Variants in KCNK13 observed in about 807,000 individuals in gnomAD.
The protein encoded by KCNK13 is potassium channel subfamily K member 13.
In KCNK13, 12 loss-of-function variants were observed where a neutral mutation model predicts 23.4. The ratio of observed to expected loss-of-function variants is 0.51; its 90% CI spans 0.33 to 0.83. The LOEUF (loss-of-function observed/expected upper bound fraction) is 0.83. KCNK13 is among the 40% of genes least tolerant of loss of function. The probability of loss-of-function intolerance (pLI) is 0.02; values close to 1 mark genes in which losing one functional copy is unlikely to be tolerated. For synonymous variants in KCNK13, 231 were observed against 229.5 expected (o/e 1.01, Z -0.06); for missense variants, 463 against 556.3 (o/e 0.83, Z 1.69).
chr14:90,141,770 G>GTAGCTCACCCCTCCCTTCCCTGTCCCCA (rs1890008334), intron 1 of KCNK13, among the ~76,000 whole-genome samples: 2 of 127,098 alleles, frequency 1.6e-5, no homozygotes, highest in East Asian at 2.6e-4. Context: ...ATGCCCTCTT[G>GTAGCTCACCCCTCCCTTCCCTGTCCCCA]GGTTTTTGTT....
At chr14:90,120,462 C>T (rs1889725607) in intron 1 of KCNK13, among the ~76,000 whole-genome samples, 1 of 152,120 alleles carries the variant, frequency 6.6e-6, no homozygotes, top group Admixed American at 6.5e-5. Context: ...GCTGGGGAGG[C>T]CTCAGGAAAC....
chr14:90,154,491 T>C (rs1890172315), intron 1 of KCNK13, among the ~76,000 whole-genome samples: 1 of 151,980 alleles, frequency 6.6e-6, no homozygotes, highest in African/African-American at 2.4e-5. Context: ...GCTTGCTCTC[T>C]TACCCACAAT....
At chr14:90,131,184 A>G (rs917675978) in intron 1 of KCNK13, among the ~76,000 whole-genome samples, 2 of 151,720 alleles carry the variant, frequency 1.3e-5, no homozygotes, top group Non-Finnish European at 2.9e-5. Flanking sequence ...TCCTCTTCAC[A>G]CCCATTAGGA....
rs373350162 is a variant in KCNK13 at position 90,110,235 on chromosome 14, G to A, written c.334+47696G>A. On this transcript the variant is annotated intron_variant, in intron 1 of 1. Coordinates refer to ENST00000282146, the MANE Select transcript of KCNK13 (RefSeq NM_022054.4). ...GACCGCATAAAAATGCACCTGAGCCGGTGCGGTGGCTCATGCCTGTAATCC... is the reference window on the plus strand; with the variant it reads ...GACCGCATAAAAATGCACCTGAGCCAGTGCGGTGGCTCATGCCTGTAATCC... 8.5e-5 allele frequency among the ~76,000 whole-genome samples: 13 copies of A among 152,260 alleles called. No homozygotes were observed. The South Asian group carries it at 1.9e-3, about 22-fold the overall frequency.
chr14:90,099,709 C>G (rs145931940), intron 1 of KCNK13, among the ~76,000 whole-genome samples: 2 of 152,098 alleles, frequency 1.3e-5, no homozygotes, highest in Admixed American at 6.5e-5. Context: ...AGCCAACAGC[C>G]GTGACAACCT....
chr14:90,087,365 A>G (rs1396831502), intron 1 of KCNK13, among the ~76,000 whole-genome samples: 2 of 151,948 alleles, frequency 1.3e-5, no homozygotes, highest in Non-Finnish European at 2.9e-5. Flanking sequence ...GTTTTAATAC[A>G]GCTGCTTTTG....
intron 1 of KCNK13, among the ~76,000 whole-genome samples, chr14:90,179,444 G>A (rs1199768588): frequency 6.6e-6 from 1 of 152,138 alleles, no homozygotes; most frequent in Non-Finnish European, 1.5e-5. Flanking sequence ...CTGTGGGGGT[G>A]GACTGGGACC....
chr14:90,087,146 ATATATATATTTT>A (rs1889288901), intron 1 of KCNK13, among the ~76,000 whole-genome samples: 1 of 112,642 alleles, frequency 8.9e-6, no homozygotes, highest in African/African-American at 3.6e-5. Context: ...ATATATATAT[ATATATATATTTT>A]TTTTTTTTAT....
chr14:90,117,600 A>T (rs991937006), intron 1 of KCNK13, among the ~76,000 whole-genome samples: 1 of 152,086 alleles, frequency 6.6e-6, no homozygotes, highest in African/African-American at 2.4e-5. Flanking sequence ...TCAAAAAAAA[A>T]ATTAGGAATT....
chr14:90,167,634 G>A (rs780733185), intron 1 of KCNK13, among the ~76,000 whole-genome samples: 2 of 152,116 alleles, frequency 1.3e-5, no homozygotes, highest in Non-Finnish European at 2.9e-5. Context: ...ACACTGCCTA[G>A]AACACTGGGG....
intron 1 of KCNK13, among the ~76,000 whole-genome samples, chr14:90,149,811 C>T (rs946845769): frequency 2.6e-5 from 4 of 152,190 alleles, no homozygotes; most frequent in African/African-American, 9.7e-5. Context: ...AACTTGAGTA[C>T]ACACTGAATT....
chr14:90,076,004 T>A (rs1297749122), intron 1 of KCNK13, among the ~76,000 whole-genome samples: 1 of 152,218 alleles, frequency 6.6e-6, no homozygotes, highest in Non-Finnish European at 1.5e-5. Flanking sequence ...TTAGTGGAGT[T>A]GGAGGAAAGA....
At chr14:90,073,960 C>G (rs777259745) in intron 1 of KCNK13, among the ~76,000 whole-genome samples, 14 of 151,356 alleles carry the variant, frequency 9.2e-5, no homozygotes, top group Non-Finnish European at 1.9e-4. Context: ...CAGGTGTGAG[C>G]CACTGCGCCC....
At chr14:90,090,753 T>C (rs1889335375) in intron 1 of KCNK13, among the ~76,000 whole-genome samples, 1 of 152,192 alleles carries the variant, frequency 6.6e-6, no homozygotes, top group Admixed American at 6.5e-5. Context: ...TTTCCCATGC[T>C]ATTCTCGTGA....
chr14:90,079,110 C>G (rs1174906212), intron 1 of KCNK13, among the ~76,000 whole-genome samples: 2 of 152,120 alleles, frequency 1.3e-5, no homozygotes, highest in African/African-American at 4.8e-5. Context: ...TGGTGTAACC[C>G]TAGTGCTCAG....
chr14:90,078,629 G>A (rs1007603054), intron 1 of KCNK13, among the ~76,000 whole-genome samples: 1 of 152,022 alleles, frequency 6.6e-6, no homozygotes, highest in African/African-American at 2.4e-5. Flanking sequence ...AGGCAGGCAG[G>A]CAGGCAGGCA....
intron 1 of KCNK13, among the ~76,000 whole-genome samples, chr14:90,101,810 A>AAAAAAAAAAAAAAAAAAAC: frequency 2.7e-5 from 4 of 149,318 alleles, no homozygotes; most frequent in African/African-American, 9.9e-5. Context: ...AAAAAAAAAA[A>AAAAAAAAAAAAAAAAAAAC]AACCTCACAA....
intron 1 of KCNK13, among the ~76,000 whole-genome samples, chr14:90,097,208 A>G (rs950848568): frequency 1.3e-5 from 2 of 152,176 alleles, no homozygotes; most frequent in Non-Finnish European, 2.9e-5. Flanking sequence ...TGGGTAATTT[A>G]TAAAGAAAAG....
At chr14:90,081,407 C>A (rs1165514289) in intron 1 of KCNK13, among the ~76,000 whole-genome samples, 2 of 152,190 alleles carry the variant, frequency 1.3e-5, no homozygotes, top group Non-Finnish European at 2.9e-5. Flanking sequence ...CGGAAATAAC[C>A]AACTCCAAGA....
Sources: gnomAD v4.1 joint callset for allele counts (sites outside exome capture counted in the v4.1 genomes callset) on GRCh38, gnomAD v4.1.1 for gene constraint, MANE v1.5 for transcripts, NCBI Gene and HGNC (gene_info 2026-07-23, HGNC 2026-07-21) for gene names.